The following GATB variants were observed in gnomAD, a reference collection of about 807,000 sequenced individuals.
GATB encodes glutamyl-tRNA(Gln) amidotransferase subunit B, mitochondrial.
A neutral mutation model predicts 62.3 loss-of-function variants in GATB; 39 were observed. That is an observed-to-expected ratio of 0.63 (90% CI 0.48 to 0.82). The LOEUF is 0.82. Ranked by LOEUF, GATB falls within the 40% of genes least tolerant of loss-of-function variation. The probability of loss-of-function intolerance (pLI) is 0.00; values close to 1 mark genes in which losing one functional copy is unlikely to be tolerated. For missense variants in GATB, 670 were observed against 684.0 expected (o/e 0.98, Z 0.23); for synonymous variants, 276 against 258.9 (o/e 1.07, Z -0.63).
At chr4:151,678,437 TTCTCTCTCTC>T (rs35701179) in intron 11 of GATB, among the ~76,000 whole-genome samples, 3 of 150,070 alleles carry the variant, frequency 2.0e-5, no homozygotes. Flanking sequence ...CAATGTGTTC[TTCTCTCTCTC>T]TCTCTCTCTC....
chr4:151,683,206 C>T (rs1344557955), intron 10 of GATB, among the ~76,000 whole-genome samples: 5 of 142,412 alleles, frequency 3.5e-5, no homozygotes, highest in Admixed American at 1.4e-4. Context: ...TTAACAATAA[C>T]GATCTAGCAC....
intron 6 of GATB, among the ~76,000 whole-genome samples, chr4:151,707,139 T>C (rs1738730168): frequency 6.6e-6 from 1 of 152,210 alleles, no homozygotes; most frequent in South Asian, 2.1e-4. Context: ...GGTCAAGCCA[T>C]GGTCAATCTA....
Position 151,686,652 on chromosome 4 carries a change from GC to G in GATB, c.1331+1977del, listed in dbSNP as rs374250502. Among the ~76,000 whole-genome samples, 105 of 70,970 alleles carry G rather than the reference GC, an allele frequency of 1.5e-3. 1 individual carries two copies. Among genetic ancestry groups the G allele is most frequent in the Middle Eastern group, 0.014 (2 of 138 alleles). The allele number at this position is 70,970 out of a possible 152,430, so 46.6% of individuals were successfully genotyped here. ...CTTCTGTGTCACCAGTCCCCGCCCC[GC>G]CCCCCCCCCACCCCCCAGTTTCCTG... is the stretch of plus-strand genomic sequence containing the variant. On this transcript the variant is annotated intron_variant, in intron 10 of 12. Transcript: ENST00000263985.
chr4:151,725,105 G>A (rs1739112462), intron 2 of GATB, among the ~76,000 whole-genome samples: 1 of 152,238 alleles, frequency 6.6e-6, no homozygotes, highest in Admixed American at 6.5e-5. Flanking sequence ...CTATCACAGG[G>A]TATTGGGGCC....
intron 2 of GATB, among the ~76,000 whole-genome samples, chr4:151,731,168 G>A (rs991014584): frequency 6.2e-5 from 8 of 129,134 alleles, no homozygotes; most frequent in Non-Finnish European, 1.3e-4. Context: ...ATGCCAAGCC[G>A]AGGCTGGACT....
At chr4:151,683,661 T>C (rs1170170691) in intron 10 of GATB, among the ~76,000 whole-genome samples, 2 of 152,226 alleles carry the variant, frequency 1.3e-5, no homozygotes, top group Non-Finnish European at 2.9e-5. Flanking sequence ...AGGGTGCGCA[T>C]ATTTGAGGCT....
chr4:151,738,968 G>A (rs918457274), intron 2 of GATB, among the ~76,000 whole-genome samples: 3 of 152,200 alleles, frequency 2.0e-5, no homozygotes, highest in South Asian at 4.1e-4. Context: ...ATCAACTGGG[G>A]TTGGAGCCCC....
chr4:151,749,449 G>A (rs1739668605), intron 2 of GATB, among the ~76,000 whole-genome samples: 1 of 142,894 alleles, frequency 7.0e-6, no homozygotes, highest in Non-Finnish European at 1.5e-5. Context: ...TCATAGGTGA[G>A]AACTGAACAA....
chr4:151,742,744 A>C (rs1310663067), intron 2 of GATB, among the ~76,000 whole-genome samples: 1 of 152,134 alleles, frequency 6.6e-6, no homozygotes, highest in Non-Finnish European at 1.5e-5. Flanking sequence ...AAAGAGATGC[A>C]CTCTCAACAA....
At chr4:151,759,681 C>T (rs549142726) in intron 1 of GATB, among the ~76,000 whole-genome samples, 9 of 152,232 alleles carry the variant, frequency 5.9e-5, no homozygotes, top group East Asian at 1.9e-4. Context: ...CAGTCCTACT[C>T]TGTTGGGTCT....
At chr4:151,724,693 T>C (rs899928739) in intron 2 of GATB, among the ~76,000 whole-genome samples, 1 of 151,998 alleles carries the variant, frequency 6.6e-6, no homozygotes, top group South Asian at 2.1e-4. Context: ...GGCAAGACTT[T>C]CGGATGTCAC....
intron 8 of GATB, 174 bp downstream of exon 8, chr4:151,703,677 T>A (rs1304930239): frequency 1.6e-6 from 1 of 626,498 alleles, no homozygotes; most frequent in Non-Finnish European, 2.9e-6. Flanking sequence ...AAGAAACTAG[T>A]ACTTCTCTCG....
chr4:151,755,669 A>ATGAACTTATAT (rs1739812799), intron 2 of GATB, among the ~76,000 whole-genome samples: 1 of 152,214 alleles, frequency 6.6e-6, no homozygotes. Context: ...CTTATATTAT[A>ATGAACTTATAT]TATATATGAA....
intron 12 of GATB, among the ~76,000 whole-genome samples, chr4:151,672,151 A>AAAT (rs1456461478): frequency 1.3e-5 from 2 of 152,174 alleles, no homozygotes; most frequent in Non-Finnish European, 2.9e-5. Context: ...CCCACTGAAA[A>AAAT]AATATCTCTA....
chr4:151,685,894 A>C (rs1174563886), intron 10 of GATB, among the ~76,000 whole-genome samples: 1 of 152,102 alleles, frequency 6.6e-6, no homozygotes, highest in Non-Finnish European at 1.5e-5. Context: ...CTAAAAAGAA[A>C]ATACAAAAAT....
intron 1 of GATB, among the ~76,000 whole-genome samples, 175 bp downstream of exon 1, chr4:151,760,632 G>A (rs1029518385): frequency 1.3e-5 from 2 of 152,174 alleles, no homozygotes; most frequent in African/African-American, 4.8e-5. Flanking sequence ...ATATGGGGGC[G>A]GAGTTGATAG....
intron 10 of GATB, among the ~76,000 whole-genome samples, chr4:151,686,714 T>G (rs1738257421): frequency 7.5e-6 from 1 of 132,764 alleles, no homozygotes; most frequent in Non-Finnish European, 1.6e-5. Context: ...GCGCCTGCAT[T>G]TCCTTCTCTG....
At chr4:151,719,624 C>A in intron 2 of GATB, 86 bp from the exon 3 acceptor site, 2 of 859,448 alleles carry the variant, frequency 2.3e-6, no homozygotes, top group Non-Finnish European at 1.8e-6. Flanking sequence ...GCTGAATATG[C>A]AACTTGGCCC....
chr4:151,735,734 G>GTATATA lies in GATB; in HGVS notation c.328-16197_328-16196insTATATA, dbSNP rs1491213513. Among the ~76,000 whole-genome samples the GTATATA allele has an allele frequency of 3.0e-3, 284 of 93,612 alleles. 57 individuals are homozygous for GTATATA. The highest frequency in any genetic ancestry group is 0.01 in the African/African-American group (183 of 17,920). The allele number at this position is 93,612 out of a possible 152,430, so 61.4% of individuals were successfully genotyped here. A position where few individuals can be genotyped will look rare whatever the true frequency, so the allele number is the denominator to read the frequency against. ...TCAACAAGTGGATAAATAAACTGTGGTGTATATATATATATATATATATGA... is the reference window on the plus strand; with the variant it reads ...TCAACAAGTGGATAAATAAACTGTGGTATATATGTATATATATATATATATATATGA... On this transcript the variant is annotated intron_variant, in intron 2 of 12. Transcript: ENST00000263985.
Sources: allele counts gnomAD v4.1 joint callset (sites outside exome capture counted in the v4.1 genomes callset), GRCh38; gene constraint gnomAD v4.1.1; transcripts MANE v1.5; gene names NCBI Gene and HGNC (gene_info 2026-07-23, HGNC 2026-07-21).